The following KCNMB4 variants were observed in gnomAD, a reference collection of about 807,000 sequenced individuals.
KCNMB4 encodes calcium-activated potassium channel subunit beta-4.
KCNMB4 carries 3 observed loss-of-function variants against 20.7 expected under a neutral mutation model. The observed-to-expected ratio is 0.14, with a 90% confidence interval of 0.07 to 0.37. KCNMB4 has a LOEUF of 0.37. Among genes scored for constraint, KCNMB4 ranks in the 10% least tolerant of loss-of-function variants. The pLI, the probability that KCNMB4 is intolerant of heterozygous loss-of-function variation, is 1.00. For missense variants in KCNMB4, 168 were observed against 265.9 expected (o/e 0.63, Z 2.56); for synonymous variants, 110 against 113.4 (o/e 0.97, Z 0.19).
At chr12:70,423,147 A>G (rs896369285) in intron 2 of KCNMB4, among the ~76,000 whole-genome samples, 1 of 152,172 alleles carries the variant, frequency 6.6e-6, no homozygotes, top group African/African-American at 2.4e-5. Flanking sequence ...ATACATATAT[A>G]ACACTTTATT....
intron 1 of KCNMB4, among the ~76,000 whole-genome samples, chr12:70,385,047 T>C (rs1883864928): frequency 6.6e-6 from 1 of 152,084 alleles, no homozygotes; most frequent in African/African-American, 2.4e-5. Flanking sequence ...CAAGCAGATA[T>C]TATTGATAAA....
chr12:70,404,301 C>T (rs759392474), intron 2 of KCNMB4, among the ~76,000 whole-genome samples: 2 of 151,242 alleles, frequency 1.3e-5, no homozygotes, highest in Non-Finnish European at 2.9e-5. Flanking sequence ...TAGAAAGTAA[C>T]TGGTGTGAAT....
chr12:70,410,919 T>G (rs1262229086), intron 2 of KCNMB4, among the ~76,000 whole-genome samples: 1 of 152,226 alleles, frequency 6.6e-6, no homozygotes, highest in African/African-American at 2.4e-5. Context: ...GCATATGTTT[T>G]TAAATCCAGT....
chr12:70,408,559 CCGAA>C (rs1410521220), intron 2 of KCNMB4, among the ~76,000 whole-genome samples: 2 of 151,882 alleles, frequency 1.3e-5, no homozygotes, highest in African/African-American at 4.8e-5. Flanking sequence ...TCTGCAGCGG[CCGAA>C]GCAGCCCCGA....
intron 1 of KCNMB4, among the ~76,000 whole-genome samples, chr12:70,372,513 C>G (rs1314051372): frequency 6.6e-6 from 1 of 152,034 alleles, no homozygotes; most frequent in Non-Finnish European, 1.5e-5. Context: ...GTAAAATTTA[C>G]TAATGAATTG....
At chr12:70,371,235 CCTT>C (rs1390789611) in intron 1 of KCNMB4, among the ~76,000 whole-genome samples, 2 of 152,110 alleles carry the variant, frequency 1.3e-5, no homozygotes, top group Non-Finnish European at 2.9e-5. Context: ...ATAAAAGGCT[CCTT>C]CTAAGAAACC....
intron 2 of KCNMB4, among the ~76,000 whole-genome samples, chr12:70,425,254 G>A (rs1869179638): frequency 4.6e-5 from 7 of 151,950 alleles, no homozygotes. Context: ...GGCTAACACA[G>A]TGAAACCCCG....
At chr12:70,417,177 A>G (rs905015879) in intron 2 of KCNMB4, among the ~76,000 whole-genome samples, 1 of 152,208 alleles carries the variant, frequency 6.6e-6, no homozygotes, top group African/African-American at 2.4e-5. Flanking sequence ...GACTTTAACG[A>G]CAATTTCCTA....
At chr12:70,384,470 C>A (rs904403909) in intron 1 of KCNMB4, among the ~76,000 whole-genome samples, 2 of 152,290 alleles carry the variant, frequency 1.3e-5, no homozygotes, top group African/African-American at 4.8e-5. Flanking sequence ...AACTTGTCAC[C>A]ACGATAATGA....
At chr12:70,406,657 T>A (rs1868609877) in intron 2 of KCNMB4, among the ~76,000 whole-genome samples, 1 of 152,060 alleles carries the variant, frequency 6.6e-6, no homozygotes, top group African/African-American at 2.4e-5. Flanking sequence ...CAGTTGGAGG[T>A]GAACAAGGCA....
At chr12:70,411,605 T>G (rs73326388) in intron 2 of KCNMB4, among the ~76,000 whole-genome samples, 138 of 152,330 alleles carry the variant, frequency 9.1e-4, no homozygotes, top group African/African-American at 3.0e-3. Context: ...ATCATGGTTG[T>G]TACTCTTTTT....
At chr12:70,403,543 A>G (rs923070727) in intron 2 of KCNMB4, among the ~76,000 whole-genome samples, 2 of 152,184 alleles carry the variant, frequency 1.3e-5, no homozygotes, top group Admixed American at 1.3e-4. Flanking sequence ...CATGTTAGCC[A>G]GGCTGGTCTT....
At chr12:70,408,449 A>G (rs552474902) in intron 2 of KCNMB4, among the ~76,000 whole-genome samples, 6 of 152,374 alleles carry the variant, frequency 3.9e-5, no homozygotes, top group South Asian at 2.1e-4. Flanking sequence ...TTGACTTTCA[A>G]GAAAAGGGTG....
intron 1 of KCNMB4, among the ~76,000 whole-genome samples, chr12:70,397,149 T>A (rs186546081): frequency 1.3e-3 from 198 of 152,114 alleles, no homozygotes; most frequent in African/African-American, 4.7e-3. Context: ...AGCCCAGGAG[T>A]TCGAGACCAG....
At chr12:70,396,162 G>C (rs138103634) in intron 1 of KCNMB4, among the ~76,000 whole-genome samples, 5 of 152,288 alleles carry the variant, frequency 3.3e-5, no homozygotes, top group Admixed American at 1.3e-4. Context: ...GGGATGCAGA[G>C]GGCAGGGGAT....
At chr12:70,376,648 G>A (rs1007215108) in intron 1 of KCNMB4, among the ~76,000 whole-genome samples, 2 of 151,612 alleles carry the variant, frequency 1.3e-5, no homozygotes, top group East Asian at 1.9e-4. Flanking sequence ...CAGGAGGACC[G>A]CTTAGCCCGG....
intron 2 of KCNMB4, among the ~76,000 whole-genome samples, chr12:70,407,560 C>T (rs1381746730): frequency 6.1e-5 from 9 of 148,502 alleles, no homozygotes; most frequent in East Asian, 2.0e-4. Flanking sequence ...CTCCGCCTCC[C>T]GGGTTCACAC....
chr12:70,388,125 G>T (rs376863128), intron 1 of KCNMB4, among the ~76,000 whole-genome samples: 1 of 151,998 alleles, frequency 6.6e-6, no homozygotes, highest in South Asian at 2.1e-4. Flanking sequence ...ATGATCTCCA[G>T]TTCCGTCCAT....
rs1375428654 is a variant in KCNMB4, at chr12:70,422,700, T to C, written c.465-7785T>C. 6.2e-6 allele frequency: 8 copies of C among 1,288,976 alleles called. No individual in the cohort carries two copies. In the Admixed American group the frequency reaches 1.8e-4, roughly 30 times the overall value. 79.8% of individuals were successfully genotyped at this position (1,288,976 alleles called of 1,614,324 possible). Reference sequence around the variant, plus strand: ...CAGAAAGTCATAAGCATCCTTCTGGTTTGCAGGTCTTGATGATTACCCCTC... The same window carrying C: ...CAGAAAGTCATAAGCATCCTTCTGGCTTGCAGGTCTTGATGATTACCCCTC... On this transcript the variant is annotated intron_variant, in intron 2 of 2. Coordinates refer to ENST00000258111, the MANE Select transcript of KCNMB4 (RefSeq NM_014505.6).
Sources: allele counts gnomAD v4.1 joint callset (sites outside exome capture counted in the v4.1 genomes callset), GRCh38; gene constraint gnomAD v4.1.1; transcripts MANE v1.5; gene names NCBI Gene and HGNC (gene_info 2026-07-23, HGNC 2026-07-21).